The following ATRNL1 variants were observed in gnomAD, a reference collection of about 807,000 sequenced individuals.
ATRNL1 encodes the protein attractin-like protein 1.
In ATRNL1, 95 loss-of-function variants were observed where a neutral mutation model predicts 182.7. The ratio of observed to expected loss-of-function variants is 0.52; its 90% CI spans 0.44 to 0.62. The LOEUF is 0.62. Among genes scored for constraint, ATRNL1 ranks in the 20% least tolerant of loss-of-function variants. The pLI is 0.00. For missense variants in ATRNL1, 1,471 were observed against 1,679.5 expected, an observed-to-expected ratio of 0.88 and a Z score of 2.17; for synonymous variants, 576 against 568.3, an observed-to-expected ratio of 1.01 and a Z score of -0.19.
chr10:115,848,442 A>G (rs1201308087), intron 28 of ATRNL1, among the ~76,000 whole-genome samples: 5 of 152,192 alleles, frequency 3.3e-5, no homozygotes, highest in Non-Finnish European at 7.3e-5. Flanking sequence ...GTTGAGTGGC[A>G]TCAGAGGATG....
At chr10:115,758,065 T>C (rs574290642) in intron 27 of ATRNL1, among the ~76,000 whole-genome samples, 1 of 152,002 alleles carries the variant, frequency 6.6e-6, no homozygotes, top group Admixed American at 6.6e-5. Context: ...TCATATAACC[T>C]TTTTTTCCAG....
intron 17 of ATRNL1, among the ~76,000 whole-genome samples, chr10:115,311,733 G>C (rs1237599933): frequency 6.6e-6 from 1 of 152,110 alleles, no homozygotes; most frequent in Non-Finnish European, 1.5e-5. Flanking sequence ...TTGTGCTGCT[G>C]TCTATCTCTT....
chr10:115,215,913 G>A, intron 9 of ATRNL1, 33 bp downstream of exon 9: 10 of 1,414,056 alleles, frequency 7.1e-6, no homozygotes, highest in Non-Finnish European at 9.4e-6. Context: ...TTTCTATGTT[G>A]CCATTATTAT....
chr10:115,388,182 A>G (rs1843770426), intron 19 of ATRNL1, among the ~76,000 whole-genome samples: 1 of 152,030 alleles, frequency 6.6e-6, no homozygotes, highest in Admixed American at 6.6e-5. Flanking sequence ...AGTTTTTCAT[A>G]TTTTATATCT....
At chr10:115,889,980 G>C (rs1224776373) in intron 28 of ATRNL1, among the ~76,000 whole-genome samples, 1 of 152,142 alleles carries the variant, frequency 6.6e-6, no homozygotes, top group Non-Finnish European at 1.5e-5. Flanking sequence ...GTGTGCATTG[G>C]GGGAGTGGTG....
intron 28 of ATRNL1, among the ~76,000 whole-genome samples, chr10:115,852,482 G>A (rs560477553): frequency 1.3e-5 from 2 of 151,982 alleles, no homozygotes; most frequent in African/African-American, 2.4e-5. Context: ...TATATTAAGC[G>A]CTTTATGTAT....
intron 24 of ATRNL1, among the ~76,000 whole-genome samples, chr10:115,496,020 C>G (rs974688561): frequency 6.6e-6 from 1 of 152,072 alleles, no homozygotes; most frequent in Admixed American, 6.6e-5. Context: ...GGGTGCATAT[C>G]TATTTAGGAT....
intron 21 of ATRNL1, among the ~76,000 whole-genome samples, chr10:115,438,961 TA>T (rs1313809681): frequency 6.6e-6 from 1 of 151,976 alleles, no homozygotes; most frequent in East Asian, 1.9e-4. Context: ...ACTTAACTAC[TA>T]ATAGGATACT....
chr10:115,166,251 C>T (rs1554884334), intron 7 of ATRNL1, among the ~76,000 whole-genome samples: 1 of 152,012 alleles, frequency 6.6e-6, no homozygotes. Context: ...CCTTTTGAAG[C>T]TGAGTAAATA....
intron 20 of ATRNL1, among the ~76,000 whole-genome samples, chr10:115,401,239 A>T (rs1056491693): frequency 6.6e-6 from 1 of 152,002 alleles, no homozygotes; most frequent in African/African-American, 2.4e-5. Context: ...TCTAAGTCCA[A>T]ATATGTTTCA....
chr10:115,141,063 T>C (rs1845736911), intron 5 of ATRNL1, among the ~76,000 whole-genome samples: 1 of 152,164 alleles, frequency 6.6e-6, no homozygotes, highest in Non-Finnish European at 1.5e-5. Flanking sequence ...TATGTGCTTG[T>C]ATGATTCTTT....
At chr10:115,158,675 T>G (rs1383992776) in intron 5 of ATRNL1, among the ~76,000 whole-genome samples, 18 of 151,922 alleles carry the variant, frequency 1.2e-4, no homozygotes, top group Admixed American at 8.6e-4. Context: ...CATGAAGACA[T>G]GAAAACTGTA....
chr10:115,497,595 G>A (rs7100684), intron 24 of ATRNL1, among the ~76,000 whole-genome samples: 29,821 of 152,010 alleles, frequency 0.2, 3,092 homozygotes, highest in South Asian at 0.24. Flanking sequence ...CCATGAAAGT[G>A]GTGCACACTA....
chr10:115,154,746 C>G, intron 5 of ATRNL1, among the ~76,000 whole-genome samples: 1 of 152,076 alleles, frequency 6.6e-6, no homozygotes, highest in East Asian at 1.9e-4. Context: ...GTTTCTTTTT[C>G]TGTCTGGATG....
At position 115,171,286 on chromosome 10, in the gene ATRNL1, C is replaced by T. The variant is rs781934022; in HGVS notation, c.1342C>T (p.His448Tyr). Residue 448 changes from histidine to tyrosine, a missense_variant, in exon 8 of 29, where the codon CAT becomes TAT. Coordinates refer to ENST00000355044, the MANE Select transcript of ATRNL1 (RefSeq NM_207303.4). ...TTATACAAGCAGCATACAGGAATAC[C>T]ATATCTGTGAGTTACTTAAAAATTG... ...YGYTSSIQEY[H>Y]ISSNTWLVPE... 1.9e-6 allele frequency: 3 copies of T among 1,563,632 alleles called. No homozygotes were observed. The highest frequency in any genetic ancestry group is 2.6e-6 in the Non-Finnish European group (3 of 1,147,562).
chr10:115,591,095 A>G (rs1483773718), intron 26 of ATRNL1, among the ~76,000 whole-genome samples: 1 of 152,224 alleles, frequency 6.6e-6, no homozygotes, highest in Non-Finnish European at 1.5e-5. Flanking sequence ...CAAGATATGC[A>G]TGTATACGTG....
At chr10:115,512,398 C>T (rs1423408225) in intron 24 of ATRNL1, among the ~76,000 whole-genome samples, 1 of 151,748 alleles carries the variant, frequency 6.6e-6, no homozygotes, top group Non-Finnish European at 1.5e-5. Context: ...AACATCTGTA[C>T]CTTCTTCCTT....
intron 28 of ATRNL1, among the ~76,000 whole-genome samples, chr10:115,938,468 GT>G (rs1223397940): frequency 6.6e-6 from 1 of 152,036 alleles, no homozygotes; most frequent in African/African-American, 2.4e-5. Context: ...GGCATATATT[GT>G]TTTTTTCTAA....
chr10:115,587,058 G>A (rs1256929776), intron 26 of ATRNL1, among the ~76,000 whole-genome samples: 2 of 149,910 alleles, frequency 1.3e-5, no homozygotes, highest in African/African-American at 4.9e-5. Context: ...CTCCCAGTTA[G>A]GCTGCTCGGG....
Sources: allele counts gnomAD v4.1 joint callset (sites outside exome capture counted in the v4.1 genomes callset), GRCh38; gene constraint gnomAD v4.1.1; transcripts MANE v1.5; gene names NCBI Gene and HGNC (gene_info 2026-07-23, HGNC 2026-07-21).